MBD5: variants seen among roughly 807,000 people sequenced by gnomAD.
The protein encoded by MBD5 is methyl-CpG-binding domain protein 5.
In MBD5, 13 loss-of-function variants were observed where a neutral mutation model predicts 117.3. That is an observed-to-expected ratio of 0.11 (90% CI 0.07 to 0.18). The LOEUF (loss-of-function observed/expected upper bound fraction) is 0.18, where lower values mean the gene tolerates loss of function less well. MBD5 is among the 10% of genes least tolerant of loss of function. The probability of loss-of-function intolerance (pLI) is 1.00; values close to 1 mark genes in which losing one functional copy is unlikely to be tolerated. For synonymous variants in MBD5, 727 were observed against 766.4 expected, an observed-to-expected ratio of 0.95 and a Z score of 0.85; for missense variants, 1,879 against 2,093.8, an observed-to-expected ratio of 0.90 and a Z score of 2.00.
At chr2:148,423,039 T>A (rs1306933903) in intron 4 of MBD5, among the ~76,000 whole-genome samples, 1 of 152,154 alleles carries the variant, frequency 6.6e-6, no homozygotes, top group Non-Finnish European at 1.5e-5. Flanking sequence ...TTCCCCAACC[T>A]AGCAAGACAG....
rs934566823 is a variant in MBD5 at position 148,515,644 on chromosome 2, T to C, written c.*2703T>C. Reference sequence around the variant, plus strand: ...GGCTAGGCCTTCTATGTTACCAAAATTTTTATTCCCTAAAATAAACTTTTT... The same window carrying C: ...GGCTAGGCCTTCTATGTTACCAAAACTTTTATTCCCTAAAATAAACTTTTT... On this transcript the variant is annotated 3_prime_UTR_variant, in exon 14 of 14. Coordinates refer to ENST00000642680, the MANE Select transcript of MBD5 (RefSeq NM_001378120.1). 12 of 152,190 alleles carry C rather than the reference T, an allele frequency of 7.9e-5. No individual in the cohort carries two copies. Among genetic ancestry groups the C allele is most frequent in the Non-Finnish European group, 8.8e-5 (6 of 68,020 alleles). 9.4% of individuals were successfully genotyped at this position (152,190 alleles called of 1,614,324 possible).
intron 2 of MBD5, among the ~76,000 whole-genome samples, chr2:148,213,166 G>A (rs769566935): frequency 6.6e-6 from 1 of 152,196 alleles, no homozygotes; most frequent in East Asian, 1.9e-4. Context: ...AAAAAATAAT[G>A]ATGAACAAGT....
At chr2:148,092,813 T>TA (rs35292744) in intron 1 of MBD5, among the ~76,000 whole-genome samples, 6 of 149,330 alleles carry the variant, frequency 4.0e-5, no homozygotes, top group African/African-American at 1.2e-4. Flanking sequence ...CTTTTGAAAT[T>TA]AAAAAAAAAA....
At chr2:148,168,710 T>G (rs1161275041) in intron 1 of MBD5, among the ~76,000 whole-genome samples, 1 of 151,904 alleles carries the variant, frequency 6.6e-6, no homozygotes, top group Non-Finnish European at 1.5e-5. Flanking sequence ...GCTATTACAC[T>G]CCAGCCTGGG....
intron 7 of MBD5, among the ~76,000 whole-genome samples, chr2:148,465,725 T>C (rs1707240181): frequency 6.6e-6 from 1 of 152,178 alleles, no homozygotes; most frequent in Non-Finnish European, 1.5e-5. Flanking sequence ...AAATTACTGA[T>C]TGCTTTGGAT....
At chr2:148,090,845 CA>C (rs1407232031) in intron 1 of MBD5, among the ~76,000 whole-genome samples, 2 of 152,008 alleles carry the variant, frequency 1.3e-5, no homozygotes, top group Non-Finnish European at 2.9e-5. Flanking sequence ...CCATAACAAT[CA>C]GACAAGAGAA....
chr2:148,494,740 T>A (rs571481159), intron 11 of MBD5, among the ~76,000 whole-genome samples: 9 of 152,254 alleles, frequency 5.9e-5, no homozygotes, highest in Non-Finnish European at 1.0e-4. Flanking sequence ...GGCGGGCAGA[T>A]CACGAGGTCA....
chr2:148,094,781 A>T (rs938013082), intron 1 of MBD5, among the ~76,000 whole-genome samples: 4 of 152,140 alleles, frequency 2.6e-5, no homozygotes, highest in African/African-American at 7.2e-5. Context: ...GAAGAAGAAA[A>T]ATAACTCATG....
chr2:148,138,985 T>C (rs1012875299), intron 1 of MBD5, among the ~76,000 whole-genome samples: 1 of 152,234 alleles, frequency 6.6e-6, no homozygotes, highest in African/African-American at 2.4e-5. Flanking sequence ...GTTTTGTTTC[T>C]TTTTGAAAGC....
At chr2:148,243,907 T>G (rs1700277147) in intron 3 of MBD5, 1 of 152,008 alleles carries the variant, frequency 6.6e-6, no homozygotes, top group Non-Finnish European at 1.5e-5. Flanking sequence ...TATGATTCTA[T>G]AGAAAAATCT....
At chr2:148,348,974 A>G (rs1703186747) in intron 4 of MBD5, among the ~76,000 whole-genome samples, 1 of 152,004 alleles carries the variant, frequency 6.6e-6, no homozygotes, top group Non-Finnish European at 1.5e-5. Context: ...GTCAGGCTCA[A>G]CTAGAAACAG....
intron 3 of MBD5, among the ~76,000 whole-genome samples, chr2:148,307,797 C>T (rs962585404): frequency 3.3e-5 from 5 of 152,068 alleles, no homozygotes; most frequent in East Asian, 1.9e-4. Flanking sequence ...CCCTAGCCCC[C>T]GACCCACTGA....
chr2:148,184,200 A>G, intron 2 of MBD5, among the ~76,000 whole-genome samples: 1 of 151,844 alleles, frequency 6.6e-6, no homozygotes, highest in Admixed American at 6.6e-5. Flanking sequence ...TTTGATAGAG[A>G]TGGGGTTTCA....
chr2:148,394,007 G>A (rs1704635256), intron 4 of MBD5, among the ~76,000 whole-genome samples: 1 of 152,166 alleles, frequency 6.6e-6, no homozygotes, highest in Non-Finnish European at 1.5e-5. Context: ...CCTTATTGCT[G>A]TCTAGTGTTA....
chr2:148,408,655 A>G (rs1416328517), intron 4 of MBD5, among the ~76,000 whole-genome samples: 5 of 152,250 alleles, frequency 3.3e-5, no homozygotes, highest in Middle Eastern at 6.8e-3. Flanking sequence ...AATAGTATGT[A>G]ATTTGGGTAA....
rs569073659 is a variant in MBD5 at position 148,041,054 on chromosome 2, C to T, written c.-925+19370C>T. On this transcript the variant is annotated intron_variant, in intron 1 of 13. Coordinates refer to ENST00000642680, the MANE Select transcript of MBD5 (RefSeq NM_001378120.1). ...CATGGGTCACTATAGCCTCAACCTC[C>T]GGGCTTAAGTGATCCTCTAACCTCA... Among the ~76,000 whole-genome samples the T allele has an allele frequency of 3.3e-5, 5 of 152,236 alleles. No individual in the cohort carries two copies. The East Asian group carries it at 7.7e-4, about 24-fold the overall frequency.
intron 1 of MBD5, among the ~76,000 whole-genome samples, chr2:148,157,743 TA>T (rs1234784013): frequency 2.0e-5 from 3 of 152,252 alleles, no homozygotes; most frequent in African/African-American, 4.8e-5. Context: ...AAAGATTTTT[TA>T]TTTTTTTGAT....
At chr2:148,266,510 T>C (rs1356470293) in intron 3 of MBD5, among the ~76,000 whole-genome samples, 1 of 152,030 alleles carries the variant, frequency 6.6e-6, no homozygotes, top group African/African-American at 2.4e-5. Flanking sequence ...GTCAACATTA[T>C]ACTAGAAGTT....
At chr2:148,464,798 A>G (rs979605455) in intron 7 of MBD5, among the ~76,000 whole-genome samples, 17 of 37,536 alleles carry the variant, frequency 4.5e-4, no homozygotes, top group African/African-American at 7.2e-4. Flanking sequence ...TCTCTAAAAT[A>G]ATTTAAAAAA....
Sources: gnomAD v4.1 joint callset for allele counts (sites outside exome capture counted in the v4.1 genomes callset) on GRCh38, gnomAD v4.1.1 for gene constraint, MANE v1.5 for transcripts, NCBI Gene and HGNC (gene_info 2026-07-23, HGNC 2026-07-21) for gene names.